Variants in TNS1 observed in about 807,000 individuals in gnomAD.
TNS1 encodes the protein tensin 1, also known as tensin-1.
Under a neutral mutation model 168.6 loss-of-function variants are expected in TNS1, and 62 were observed. That is an observed-to-expected ratio of 0.37 (90% CI 0.30 to 0.45). The LOEUF (loss-of-function observed/expected upper bound fraction) is 0.45. Among genes scored for constraint, TNS1 ranks in the 20% least tolerant of loss-of-function variants. The probability of loss-of-function intolerance (pLI) is 1.00; values close to 1 mark genes in which losing one functional copy is unlikely to be tolerated. For synonymous variants in TNS1, 934 were observed against 933.2 expected (o/e 1.00, Z -0.02); for missense variants, 2,240 against 2,339.4 (o/e 0.96, Z 0.88).
At chr2:217,867,819 A>T (rs1949412270) in intron 18 of TNS1, among the ~76,000 whole-genome samples, 1 of 152,212 alleles carries the variant, frequency 6.6e-6, no homozygotes, top group African/African-American at 2.4e-5. Flanking sequence ...GTCTTGGCTC[A>T]AGTGTTCCTC....
At chr2:218,025,490 T>A (rs1194994717) in intron 1 of TNS1, among the ~76,000 whole-genome samples, 2 of 152,090 alleles carry the variant, frequency 1.3e-5, no homozygotes, top group Non-Finnish European at 2.9e-5. Flanking sequence ...CCTCAGGTGA[T>A]CTGCCCACCT....
intron 3 of TNS1, among the ~76,000 whole-genome samples, chr2:217,951,394 A>G (rs1957237527): frequency 6.6e-6 from 1 of 152,182 alleles, no homozygotes; most frequent in Non-Finnish European, 1.5e-5. Context: ...CCCAATTGAC[A>G]TACTGTTCCT....
At chr2:217,850,406 T>G (rs2125451829) in intron 18 of TNS1, 1 of 985,266 alleles carries the variant, frequency 1.0e-6, no homozygotes, top group Admixed American at 6.1e-5. Flanking sequence ...GAGGGTCCTC[T>G]TGTCTGCAGA....
chr2:217,936,683 T>C (rs909355397), intron 3 of TNS1, among the ~76,000 whole-genome samples: 2 of 151,900 alleles, frequency 1.3e-5, no homozygotes, highest in African/African-American at 4.8e-5. Flanking sequence ...CCCCTGCCGC[T>C]CCCCTCTTTA....
chr2:217,926,506 G>A (rs1163119948), intron 3 of TNS1, among the ~76,000 whole-genome samples: 1 of 152,202 alleles, frequency 6.6e-6, no homozygotes, highest in African/African-American at 2.4e-5. Flanking sequence ...GGGAGGGAAG[G>A]AAACTGGGGT....
chr2:218,023,224 A>C (rs1164304933), intron 1 of TNS1, among the ~76,000 whole-genome samples: 1 of 152,208 alleles, frequency 6.6e-6, no homozygotes, highest in African/African-American at 2.4e-5. Context: ...GCGAGGAGAC[A>C]CTGGAGAGAC....
Position 217,936,901 on chromosome 2 carries a change from C to T in TNS1, c.187-16665G>A, listed in dbSNP as rs563861945. 8.2e-4 allele frequency: 375 copies of T among 455,478 alleles called. 1 individual carries two copies. Among genetic ancestry groups the T allele is most frequent in the Non-Finnish European group, 1.5e-3 (338 of 226,182 alleles). The allele number at this position is 455,478 out of a possible 1,614,324, so 28.2% of individuals were successfully genotyped here. Reference sequence around the variant, plus strand: ...GGTTGGAAATATGAATCCTATTTTACAGATGCAGACACTAAGGCTCAGACC... The same window carrying T: ...GGTTGGAAATATGAATCCTATTTTATAGATGCAGACACTAAGGCTCAGACC... On this transcript the variant is annotated intron_variant, in intron 3 of 32. Coordinates refer to ENST00000682258, the MANE Select transcript of TNS1 (RefSeq NM_001387777.1).
intron 1 of TNS1, among the ~76,000 whole-genome samples, chr2:218,023,825 C>A (rs1466224015): frequency 1.3e-5 from 2 of 152,162 alleles, no homozygotes; most frequent in East Asian, 3.9e-4. Flanking sequence ...AGGCTCTGAG[C>A]TCATCTGTCC....
chr2:217,857,806 C>T (rs1948332409), intron 18 of TNS1, among the ~76,000 whole-genome samples: 1 of 152,172 alleles, frequency 6.6e-6, no homozygotes, highest in Non-Finnish European at 1.5e-5. Flanking sequence ...ATAACCCGAG[C>T]CTGGCACTCC....
At chr2:218,015,721 C>A (rs1958751949) in intron 1 of TNS1, among the ~76,000 whole-genome samples, 1 of 152,130 alleles carries the variant, frequency 6.6e-6, no homozygotes, top group Non-Finnish European at 1.5e-5. Context: ...CCATCACCAC[C>A]CAGCAGCTGA....
chr2:217,803,468 T>A lies in TNS1; in HGVS notation c.*991A>T, dbSNP rs1014918956. The stretch of plus-strand genomic sequence containing the variant: ...TTGCCTTTCTTGCTGCTGAGCCACA[T>A]GCCTTGGGGAAGACACCCCGAGCTC... On this transcript the variant is annotated 3_prime_UTR_variant, in exon 33 of 33. Transcript: ENST00000682258. 6.6e-6 allele frequency: 1 copy of A among 152,384 alleles called. No individual in the cohort carries two copies. The highest frequency in any genetic ancestry group is 1.5e-5 in the Non-Finnish European group (1 of 68,100). The allele number at this position is 152,384 out of a possible 1,614,324, so 9.4% of individuals were successfully genotyped here.
chr2:217,866,049 C>A, intron 18 of TNS1, among the ~76,000 whole-genome samples: 1 of 152,284 alleles, frequency 6.6e-6, no homozygotes, highest in Admixed American at 6.5e-5. Flanking sequence ...TCCTGTTACT[C>A]AGATCCCCCA....
chr2:217,848,788 C>T lies in TNS1; in HGVS notation c.1729G>A (p.Glu577Lys). 6.2e-7 allele frequency: 1 copy of T among 1,614,140 alleles called. No homozygotes were observed. The highest frequency in any genetic ancestry group is 8.5e-7 in the Non-Finnish European group (1 of 1,180,030). ...RLLSGFGLER[E>K]KQGAMYHTQH... Reference sequence around the variant, plus strand: ...GTGTGGTACATGGCGCCTTGCTTCTCTCGCTCTAAGCCAAAGCCACTCAGC... The same window carrying T: ...GTGTGGTACATGGCGCCTTGCTTCTTTCGCTCTAAGCCAAAGCCACTCAGC... Residue 577 changes from glutamate to lysine, a missense_variant, in exon 19 of 33, where the codon GAG becomes AAG. Physicochemically the swap from Glu to Lys is moderately conservative, Grantham distance 56. This residue lies in a region of TNS1 where 2,131 missense variants were observed against 2,171.2 expected (regional missense o/e 0.98). Transcript: ENST00000682258.
intron 19 of TNS1, among the ~76,000 whole-genome samples, chr2:217,836,495 A>AGAT (rs1434017028): frequency 6.6e-6 from 1 of 152,184 alleles, no homozygotes; most frequent in East Asian, 1.9e-4. Flanking sequence ...TACAAGAAAC[A>AGAT]GATGTCAACT....
chr2:217,978,821 C>T lies in TNS1; in HGVS notation c.149-19G>A, dbSNP rs1957959978. The T allele has an allele frequency of 5.7e-6, 4 of 702,298 alleles. No homozygotes were observed. In the East Asian group the frequency reaches 1.1e-4, roughly 19 times the overall value. The allele number at this position is 702,298 out of a possible 1,614,324, so 43.5% of individuals were successfully genotyped here. A position where few individuals can be genotyped will look rare whatever the true frequency, so the allele number is the denominator to read the frequency against. On this transcript the variant is annotated intron_variant, in intron 2 of 32. Transcript: ENST00000682258. Reference sequence around the variant, plus strand: ...CTGCAGACTGCAAGAGGGCGAGACACAGAAAGAAAGTTTTAGCCGCGAGGT... The same window carrying T: ...CTGCAGACTGCAAGAGGGCGAGACATAGAAAGAAAGTTTTAGCCGCGAGGT...
chr2:217,869,214 G>C (rs1223720602), intron 18 of TNS1, among the ~76,000 whole-genome samples: 2 of 152,194 alleles, frequency 1.3e-5, no homozygotes, highest in African/African-American at 2.4e-5. Flanking sequence ...AGGCAGGGGA[G>C]GGAGTGGGTA....
Position 217,818,388 on chromosome 2 carries a change from C to A in TNS1, c.3944G>T (p.Ser1315Ile), listed in dbSNP as rs1222896253. 1 of 1,614,196 alleles carries A rather than the reference C, an allele frequency of 6.2e-7. No individual in the cohort carries two copies. The highest frequency in any genetic ancestry group is 1.1e-5 in the South Asian group (1 of 91,082). The change falls in exon 24 of 33, where the codon AGT (serine) becomes ATT (isoleucine). Residue 1315 changes from serine to isoleucine, a missense_variant. Coordinates refer to ENST00000682258, the MANE Select transcript of TNS1 (RefSeq NM_001387777.1). ...NPSMAAPSSP[S>I]LSHHQMMGPP... ...ACCCATCATCTGGTGATGGCTCAAACTGGGACTGCTGGGGGCAGCCATGCT... is the reference window on the plus strand; with the variant it reads ...ACCCATCATCTGGTGATGGCTCAAAATGGGACTGCTGGGGGCAGCCATGCT...
At chr2:217,942,625 G>A (rs2125944752) in intron 3 of TNS1, among the ~76,000 whole-genome samples, 1 of 152,304 alleles carries the variant, frequency 6.6e-6, no homozygotes, top group Admixed American at 6.5e-5. Context: ...GCAGCTTCAG[G>A]AGGGGAAGAG....
At chr2:217,863,849 A>C (rs1949016669) in intron 18 of TNS1, among the ~76,000 whole-genome samples, 2 of 152,204 alleles carry the variant, frequency 1.3e-5, no homozygotes, top group South Asian at 4.1e-4. Flanking sequence ...AGAGGGAGGA[A>C]GGGCCCGCTG....
Sources: allele counts gnomAD v4.1 joint callset (sites outside exome capture counted in the v4.1 genomes callset), GRCh38; gene constraint gnomAD v4.1.1; regional missense constraint gnomAD v4.1.1; transcripts MANE v1.5; gene names NCBI Gene and HGNC (gene_info 2026-07-23, HGNC 2026-07-21).